UTY: variants seen among roughly 807,000 people sequenced by gnomAD.
The protein encoded by UTY is ubiquitously transcribed tetratricopeptide repeat containing, Y-linked.
In UTY, 12 loss-of-function variants were observed where a neutral mutation model predicts 32.5. The ratio of observed to expected loss-of-function variants is 0.37; its 90% CI spans 0.24 to 0.60. The LOEUF is 0.60. UTY is among the 20% of genes least tolerant of loss of function. The probability of loss-of-function intolerance (pLI) is 0.69; values close to 1 mark genes in which losing one functional copy is unlikely to be tolerated. For missense variants in UTY, 303 were observed against 299.2 expected, an observed-to-expected ratio of 1.01 and a Z score of -0.09; for synonymous variants, 131 against 103.4, an observed-to-expected ratio of 1.27 and a Z score of -1.62.
At position 13,248,484 on chromosome Y, in the gene UTY, G is replaced by A. The variant is rs756057586; in HGVS notation, c.*1372C>T. On this transcript the variant is annotated 3_prime_UTR_variant, in exon 30 of 30. Transcript: ENST00000545955. ...ATAGAACTTATTACAATTTACTAGC[G>A]ATATAGATTTTTTAATACTTTCCTC... 3.6e-4 allele frequency: 13 copies of A among 36,106 alleles called. No homozygotes were observed. The East Asian group carries it at 7.0e-3, about 19-fold the overall frequency. 9.0% of individuals were successfully genotyped at this position (36,106 alleles called of 400,897 possible). A position where few individuals can be genotyped will look rare whatever the true frequency, so the allele number is the denominator to read the frequency against.
At chrY:13,369,148 CAT>C (rs2064624420) in intron 9 of UTY, 106 bp downstream of exon 9, 1 of 103,519 alleles carries the variant, frequency 9.7e-6, no homozygotes, top group African/African-American at 1.0e-4. Flanking sequence ...AGTCTTAACC[CAT>C]AGACTTCTAA....
intron 28 of UTY, among the ~76,000 whole-genome samples, chrY:13,257,555 C>T: frequency 3.0e-5 from 1 of 33,681 alleles, no homozygotes; most frequent in East Asian, 7.7e-4. Context: ...ACAGCATCTA[C>T]AGAAACCAGC....
intron 28 of UTY, among the ~76,000 whole-genome samples, chrY:13,258,539 A>G (rs916118564): frequency 2.9e-5 from 1 of 34,065 alleles, no homozygotes; most frequent in Non-Finnish European, 7.3e-5. Flanking sequence ...AAAAGCATCT[A>G]GAAAGACACT....
intron 27 of UTY, among the ~76,000 whole-genome samples, chrY:13,277,808 C>T (rs2056785552): frequency 3.0e-5 from 1 of 33,184 alleles, no homozygotes; most frequent in Non-Finnish European, 7.4e-5. Context: ...TCAGTATCTG[C>T]CACAAAGACT....
intron 18 of UTY, among the ~76,000 whole-genome samples, chrY:13,330,024 C>T (rs2060568696): frequency 3.0e-5 from 1 of 33,344 alleles, no homozygotes; most frequent in Non-Finnish European, 7.4e-5. Context: ...AGGAAACAAA[C>T]AATAGGATAT....
chrY:13,446,619 TAGAC>T (rs1556515334), intron 4 of UTY, among the ~76,000 whole-genome samples: 9 of 14,221 alleles, frequency 6.3e-4, no homozygotes, highest in Non-Finnish European at 1.5e-3. Flanking sequence ...GATAGATAGA[TAGAC>T]AGACAGACAG....
chrY:13,318,047 C>A (rs764913300), intron 21 of UTY, among the ~76,000 whole-genome samples: 612 of 31,144 alleles, frequency 0.02, no homozygotes, highest in Non-Finnish European at 0.036. Flanking sequence ...GTAATCCCAG[C>A]TACTTGGGAA....
At chrY:13,350,067 G>A (rs2062229887) in intron 17 of UTY, among the ~76,000 whole-genome samples, 1 of 33,569 alleles carries the variant, frequency 3.0e-5, no homozygotes, top group Non-Finnish European at 7.4e-5. Context: ...GACACAGCAA[G>A]AAAGTAACAT....
At chrY:13,426,562 C>G (rs2073291909) in intron 4 of UTY, among the ~76,000 whole-genome samples, 1 of 33,024 alleles carries the variant, frequency 3.0e-5, no homozygotes, top group Non-Finnish European at 7.5e-5. Flanking sequence ...CAAAACAAAG[C>G]AAAATAATAC....
At chrY:13,319,199 C>G in intron 21 of UTY, among the ~76,000 whole-genome samples, 1 of 33,676 alleles carries the variant, frequency 3.0e-5, no homozygotes, top group Non-Finnish European at 7.3e-5. Context: ...GTGACAGGAA[C>G]AGAGGTCGTT....
chrY:13,312,428 T>C, intron 21 of UTY, among the ~76,000 whole-genome samples: 1 of 11,604 alleles, frequency 8.6e-5, no homozygotes, highest in Non-Finnish European at 1.4e-4. Context: ...TGTTTTCTGC[T>C]AGGAGAAAAA....
chrY:13,318,443 A>G, intron 21 of UTY, among the ~76,000 whole-genome samples: 2 of 31,752 alleles, frequency 6.3e-5, no homozygotes, highest in Admixed American at 5.9e-4. Context: ...ATAAGTCACA[A>G]TAAGAGGATT....
At chrY:13,413,671 C>G in intron 5 of UTY, among the ~76,000 whole-genome samples, 1 of 34,997 alleles carries the variant, frequency 2.9e-5, no homozygotes, top group African/African-American at 1.1e-4. Context: ...CAGTTGCCAG[C>G]ACCCAAGGCG....
Position 13,396,991 on chromosome Y carries a change from A to C in UTY, c.556-19T>G. 1 of 310,302 alleles carries C rather than the reference A, an allele frequency of 3.2e-6. No individual in the cohort carries two copies. The highest frequency in any genetic ancestry group is 4.0e-5 in the South Asian group (1 of 25,175). 77.4% of individuals were successfully genotyped at this position (310,302 alleles called of 400,897 possible). On this transcript the variant is annotated intron_variant, in intron 6 of 29. Coordinates refer to ENST00000545955, the MANE Select transcript of UTY (RefSeq NM_001258249.2). The stretch of plus-strand genomic sequence containing the variant: ...GAAAATGCTGCAAGAGAAAAGTAAA[A>C]ATATTAATGCACTAAATTAAGAGTG...
Position 13,414,792 on chromosome Y carries a change from T to C in UTY, c.377A>G (p.Asn126Ser). The C allele has an allele frequency of 2.6e-6, 1 of 383,061 alleles. No individual in the cohort carries two copies. The change falls in exon 5 of 30, where the codon AAT becomes AGT. Residue 126 changes from asparagine (N) to serine (S), a missense_variant and splice_region_variant. Transcript: ENST00000545955. The part of the protein sequence containing the change: ...YYSLQADYWK[N>S]AAFLYGLGLV... ...ACCAAGGCCATATAAAAACGCAGCA[T>C]TCTGTTAATATAAAACACAAAACAA...
At chrY:13,461,351 T>C (rs746445101) in intron 3 of UTY, among the ~76,000 whole-genome samples, 2 of 32,574 alleles carry the variant, frequency 6.1e-5, no homozygotes, top group Admixed American at 2.9e-4. Flanking sequence ...TAAGCAGTGA[T>C]AGGAATTCAA....
chrY:13,339,592 G>A (rs2061356844), intron 17 of UTY, among the ~76,000 whole-genome samples: 1 of 33,688 alleles, frequency 3.0e-5, no homozygotes, highest in East Asian at 7.8e-4. Context: ...ACCAGATGTG[G>A]GTGGAGCTCA....
intron 27 of UTY, among the ~76,000 whole-genome samples, chrY:13,295,416 C>A: frequency 3.0e-5 from 1 of 33,531 alleles, no homozygotes; most frequent in African/African-American, 1.2e-4. Flanking sequence ...AGGAGACCCC[C>A]ACTTCTAACA....
chrY:13,468,638 C>T, intron 3 of UTY, among the ~76,000 whole-genome samples: 1 of 32,181 alleles, frequency 3.1e-5, no homozygotes, highest in Non-Finnish European at 7.6e-5. Flanking sequence ...CGAGATGGCG[C>T]CAGTGCACTC....
Sources: allele counts gnomAD v4.1 joint callset (sites outside exome capture counted in the v4.1 genomes callset), GRCh38; gene constraint gnomAD v4.1.1; transcripts MANE v1.5; gene names NCBI Gene and HGNC (gene_info 2026-07-23, HGNC 2026-07-21).